Variants in DNAH12 observed in about 807,000 individuals in gnomAD.
DNAH12 encodes dynein axonemal heavy chain 12, also known as axonemal beta dynein heavy chain 12.
A neutral mutation model predicts 371.5 loss-of-function variants in DNAH12; 285 were observed. The observed-to-expected ratio is 0.77, with a 90% CI of 0.70 to 0.85. The LOEUF is 0.85. DNAH12 is among the 40% of genes least tolerant of loss of function. The pLI is 0.00. For synonymous variants in DNAH12, 1,200 were observed against 1,213.0 expected, an observed-to-expected ratio of 0.99 and a Z score of 0.22; for missense variants, 3,611 against 3,689.4, an observed-to-expected ratio of 0.98 and a Z score of 0.55.
intron 17 of DNAH12, among the ~76,000 whole-genome samples, chr3:57,465,450 CAA>C (rs759503189): frequency 3.3e-5 from 5 of 152,154 alleles, no homozygotes; most frequent in African/African-American, 9.6e-5. Flanking sequence ...CAAAATCTGA[CAA>C]AGACATTACA....
intron 36 of DNAH12, among the ~76,000 whole-genome samples, chr3:57,419,774 A>G (rs2064508640): frequency 6.6e-6 from 1 of 152,236 alleles, no homozygotes; most frequent in African/African-American, 2.4e-5. Context: ...CCTGAAAAAT[A>G]TAATGTAACT....
intron 29 of DNAH12, among the ~76,000 whole-genome samples, chr3:57,442,401 A>C (rs1011194552): frequency 6.6e-6 from 1 of 152,214 alleles, no homozygotes. Context: ...GAGTGAGTGG[A>C]TAATGAAACT....
At chr3:57,381,746 A>T (rs1229039466) in intron 50 of DNAH12, among the ~76,000 whole-genome samples, 1 of 152,156 alleles carries the variant, frequency 6.6e-6, no homozygotes, top group Non-Finnish European at 1.5e-5. Flanking sequence ...GATGTTTTGG[A>T]ATACCCAGAA....
rs1236660926 is a variant in DNAH12 at position 57,396,096 on chromosome 3, T to C, written c.6949-1764A>G. On this transcript the variant is annotated intron_variant, in intron 43 of 73. Coordinates refer to ENST00000495027, the MANE Select transcript of DNAH12 (RefSeq NM_001366028.2). ...GAGTTCGAGACCAGCCTGACCAACA[T>C]GGAGAAACCCTATCTCTACGAAAAA... Among the ~76,000 whole-genome samples, 3 of 151,730 alleles carry C rather than the reference T, an allele frequency of 2.0e-5. No homozygotes were observed. The East Asian group carries it at 5.9e-4, about 30-fold the overall frequency.
chr3:57,442,168 C>G (rs915763568), intron 29 of DNAH12, among the ~76,000 whole-genome samples: 3 of 151,914 alleles, frequency 2.0e-5, no homozygotes, highest in Admixed American at 6.6e-5. Context: ...TGCCAGAAGA[C>G]CCATATACAC....
At chr3:57,486,591 G>A (rs1349019907) in intron 12 of DNAH12, among the ~76,000 whole-genome samples, 1 of 152,106 alleles carries the variant, frequency 6.6e-6, no homozygotes, top group African/African-American at 2.4e-5. Flanking sequence ...ATAAATAGCT[G>A]AGTACCTACA....
At chr3:57,338,154 A>G (rs1553654437) in intron 60 of DNAH12, among the ~76,000 whole-genome samples, 1 of 152,100 alleles carries the variant, frequency 6.6e-6, no homozygotes. Flanking sequence ...CTGGGATTGC[A>G]GGCACGCGAC....
chr3:57,309,399 C>A, intron 68 of DNAH12, 145 bp from the exon 69 acceptor site: 2 of 714,872 alleles, frequency 2.8e-6, no homozygotes, highest in South Asian at 2.3e-5. Flanking sequence ...TCCTATGTAC[C>A]TTAGCTCATC....
At chr3:57,464,192 A>G (rs1380322008) in intron 17 of DNAH12, among the ~76,000 whole-genome samples, 2 of 152,038 alleles carry the variant, frequency 1.3e-5, no homozygotes, top group Admixed American at 1.3e-4. Flanking sequence ...GAAGGGATAA[A>G]TAATTCCTGT....
At chr3:57,334,147 A>T (rs1396162049) in intron 62 of DNAH12, among the ~76,000 whole-genome samples, 2 of 152,234 alleles carry the variant, frequency 1.3e-5, no homozygotes, top group Non-Finnish European at 2.9e-5. Context: ...AAACTGATGC[A>T]AGGAGATACC....
chr3:57,415,335 C>T, intron 38 of DNAH12, 91 bp downstream of exon 38: 7 of 1,445,640 alleles, frequency 4.8e-6, no homozygotes, highest in Non-Finnish European at 6.5e-6. Context: ...CATAGATTTA[C>T]ACAGTTGCTT....
intron 66 of DNAH12, among the ~76,000 whole-genome samples, chr3:57,312,368 G>A (rs2061599506): frequency 6.6e-6 from 1 of 152,194 alleles, no homozygotes; most frequent in East Asian, 1.9e-4. Context: ...TCCCAAAGCT[G>A]AAGGAAGAGA....
intron 16 of DNAH12, among the ~76,000 whole-genome samples, 184 bp downstream of exon 16, chr3:57,470,259 T>C (rs2066328364): frequency 6.6e-6 from 1 of 152,098 alleles, no homozygotes; most frequent in Admixed American, 6.6e-5. Flanking sequence ...ATCTCAGATA[T>C]TGTATTAGTA....
chr3:57,468,071 T>G (rs754675849), intron 17 of DNAH12, among the ~76,000 whole-genome samples: 9 of 152,168 alleles, frequency 5.9e-5, no homozygotes, highest in Non-Finnish European at 1.0e-4. Flanking sequence ...ATTTGCAAAA[T>G]GCTTAGATGA....
In DNAH12 at chr3:57,519,552, C is replaced by G. The variant is rs544039557; in HGVS notation, c.279+4031G>C. The G allele has an allele frequency of 6.3e-6, 4 of 636,778 alleles. No individual in the cohort carries two copies. In the East Asian group the frequency reaches 1.1e-4, roughly 18 times the overall value. The allele number at this position is 636,778 out of a possible 1,614,324, so 39.4% of individuals were successfully genotyped here. A position where few individuals can be genotyped will look rare whatever the true frequency, so the allele number is the denominator to read the frequency against. On this transcript the variant is annotated intron_variant, in intron 4 of 73. Transcript: ENST00000495027. ...TGATGTGTCCCAAAGGACCACAGAT[C>G]CATCGACTCCTATTTGAAGAAGTAA...
At chr3:57,350,790 A>C (rs1456792514) in intron 60 of DNAH12, among the ~76,000 whole-genome samples, 1 of 152,230 alleles carries the variant, frequency 6.6e-6, no homozygotes, top group African/African-American at 2.4e-5. Flanking sequence ...AACTCACACA[A>C]ATCACTAAGA....
intron 60 of DNAH12, among the ~76,000 whole-genome samples, chr3:57,340,852 TA>T (rs1361392036): frequency 6.6e-6 from 1 of 151,886 alleles, no homozygotes; most frequent in African/African-American, 2.4e-5. Flanking sequence ...AAACACAACA[TA>T]AAAAAACTAG....
intron 9 of DNAH12, among the ~76,000 whole-genome samples, 171 bp downstream of exon 9, chr3:57,503,845 G>A (rs2067648749): frequency 6.6e-6 from 1 of 152,136 alleles, no homozygotes; most frequent in Non-Finnish European, 1.5e-5. Flanking sequence ...GAAGGAAAAT[G>A]TCATCTCCAG....
intron 11 of DNAH12, among the ~76,000 whole-genome samples, chr3:57,499,673 T>TATATATATATATATATATATATACACAC (rs771112538): frequency 2.2e-5 from 1 of 44,452 alleles, no homozygotes; most frequent in African/African-American, 8.9e-5. Flanking sequence ...TATATATATA[T>TATATATATATATATATATATATACACAC]ATACTTCTTA....
Sources: allele counts gnomAD v4.1 joint callset (sites outside exome capture counted in the v4.1 genomes callset), GRCh38; gene constraint gnomAD v4.1.1; transcripts MANE v1.5; gene names NCBI Gene and HGNC (gene_info 2026-07-23, HGNC 2026-07-21).